Variants in MKKS observed in about 807,000 individuals in gnomAD.
MKKS encodes MKKS centrosomal shuttling protein, also known as molecular chaperone MKKS.
Under a neutral mutation model 33.2 loss-of-function variants are expected in MKKS, and 29 were observed. The ratio of observed to expected loss-of-function variants is 0.87; its 90% CI spans 0.65 to 1.19. The LOEUF (loss-of-function observed/expected upper bound fraction) is 1.19, where lower values mean the gene tolerates loss of function less well. Among genes scored for constraint, MKKS ranks in the 50% most tolerant of loss-of-function variants. The pLI is 0.00. For missense variants in MKKS, 661 were observed against 662.3 expected, an observed-to-expected ratio of 1.00 and a Z score of 0.02; for synonymous variants, 260 against 244.0, an observed-to-expected ratio of 1.07 and a Z score of -0.61.
chr20:10,431,207 A>G (rs1396390299), intron 1 of MKKS, among the ~76,000 whole-genome samples: 5 of 152,188 alleles, frequency 3.3e-5, no homozygotes, highest in African/African-American at 1.2e-4. Context: ...CAAAGCAATT[A>G]TATATTATCA....
intron 2 of MKKS, among the ~76,000 whole-genome samples, chr20:10,414,552 A>G (rs1359025626): frequency 6.6e-6 from 1 of 152,188 alleles, no homozygotes; most frequent in Admixed American, 6.5e-5. Context: ...AGCGTGAGCC[A>G]CTGTGCCCGG....
Position 10,434,209 on chromosome 20 carries a change from T to A in MKKS, c.-750A>T, listed in dbSNP as rs982499367. On this transcript the variant is annotated 5_prime_UTR_variant, in exon 1 of 6. Transcript: ENST00000347364. ...GCCGCGGATCCCGACAACCTTCGCG[T>A]CGCGCGAGGGCACGGAGCACGCGCA... 6.6e-6 allele frequency: 1 copy of A among 152,216 alleles called. No individual in the cohort carries two copies. Among genetic ancestry groups the A allele is most frequent in the Non-Finnish European group, 1.5e-5 (1 of 68,070 alleles). The allele number at this position is 152,216 out of a possible 1,614,324, so 9.4% of individuals were successfully genotyped here.
At chr20:10,419,540 A>C (rs145082851) in intron 2 of MKKS, among the ~76,000 whole-genome samples, 78 of 152,344 alleles carry the variant, frequency 5.1e-4, no homozygotes, top group African/African-American at 1.8e-3. Context: ...GCCTGAAACT[A>C]CATATAGCAC....
rs545889058 is a variant in MKKS, at chr20:10,404,168, T to C, written c.*1079A>G. On this transcript the variant is annotated 3_prime_UTR_variant, in exon 6 of 6. Coordinates refer to ENST00000347364, the MANE Select transcript of MKKS (RefSeq NM_170784.3). ...ATATTTGCATAAAATTCAAACTACA[T>C]CCCTTGGTGAAACATAATGTCTCTA... The C allele has an allele frequency of 1.6e-3, 242 of 152,284 alleles. 1 individual carries two copies. The highest frequency in any genetic ancestry group is 0.014 in the Middle Eastern group (4 of 294). 9.4% of individuals were successfully genotyped at this position (152,284 alleles called of 1,614,324 possible).
chr20:10,405,085 G>T lies in MKKS; in HGVS notation c.*162C>A. ...ATTGTTTCATGGCATTTCCATTCACGAATCACCTTTTTTCCTAAATAAGTG... is the reference window on the plus strand; with the variant it reads ...ATTGTTTCATGGCATTTCCATTCACTAATCACCTTTTTTCCTAAATAAGTG... On this transcript the variant is annotated 3_prime_UTR_variant, in exon 6 of 6. Coordinates refer to ENST00000347364, the MANE Select transcript of MKKS (RefSeq NM_170784.3). The T allele has an allele frequency of 1.8e-6, 1 of 541,704 alleles. No homozygotes were observed. Among genetic ancestry groups the T allele is most frequent in the Non-Finnish European group, 3.2e-6 (1 of 314,072 alleles). 33.6% of individuals were successfully genotyped at this position (541,704 alleles called of 1,614,324 possible). A position where few individuals can be genotyped will look rare whatever the true frequency, so the allele number is the denominator to read the frequency against.
rs201968251 is a variant in MKKS, at chr20:10,408,791, A to G, written c.998T>C (p.Ile333Thr). Reference protein sequence around the residue: ...PLTKMTGTQPIGSLGSICPNS... With the variant: ...PLTKMTGTQPTGSLGSICPNS... Reference sequence around the variant, plus strand: ...AGGACATATTGAGCCTAGGGATCCAATAGGCTGTGTTCCTATTTTTTAAAG... The same window carrying G: ...AGGACATATTGAGCCTAGGGATCCAGTAGGCTGTGTTCCTATTTTTTAAAG... The change falls in exon 4 of 6, where the codon ATT becomes ACT. Residue 333 changes from isoleucine to threonine, a missense_variant. Coordinates refer to ENST00000347364, the MANE Select transcript of MKKS (RefSeq NM_170784.3). 1.2e-6 allele frequency: 2 copies of G among 1,612,348 alleles called. No homozygotes were observed. The highest frequency in any genetic ancestry group is 2.2e-5 in the East Asian group (1 of 44,846).
chr20:10,416,935 T>C (rs1374804002), intron 2 of MKKS, among the ~76,000 whole-genome samples: 1 of 152,182 alleles, frequency 6.6e-6, no homozygotes, highest in Admixed American at 6.5e-5. Flanking sequence ...ATAGACACTA[T>C]ATGATCTGCA....
chr20:10,433,756 G>A (rs372732355), intron 1 of MKKS, among the ~76,000 whole-genome samples: 21 of 152,188 alleles, frequency 1.4e-4, no homozygotes, highest in African/African-American at 4.6e-4. Context: ...GGGCACACGG[G>A]GCCCCTCCCA....
intron 5 of MKKS, among the ~76,000 whole-genome samples, chr20:10,407,017 C>G (rs1344564075): frequency 6.6e-6 from 1 of 152,144 alleles, no homozygotes; most frequent in East Asian, 1.9e-4. Context: ...ATGCACTAAA[C>G]TTATCTGAGA....
intron 1 of MKKS, among the ~76,000 whole-genome samples, 189 bp downstream of exon 1, chr20:10,433,919 G>A (rs2065076364): frequency 6.6e-6 from 1 of 152,224 alleles, no homozygotes; most frequent in Non-Finnish European, 1.5e-5. Context: ...ACCATCGGCA[G>A]CTATTTCAGA....
chr20:10,427,273 T>C (rs113071321), intron 1 of MKKS, among the ~76,000 whole-genome samples: 167 of 152,332 alleles, frequency 1.1e-3, no homozygotes, highest in Middle Eastern at 3.4e-3. Context: ...ATTTTGCCTA[T>C]TGGGCTTGCT....
Position 10,423,637 on chromosome 20 carries a change from T to C in MKKS, c.-648-2879A>G, listed in dbSNP as rs372459690. On this transcript the variant is annotated intron_variant, in intron 1 of 5. Coordinates refer to ENST00000347364, the MANE Select transcript of MKKS (RefSeq NM_170784.3). Reference sequence around the variant, plus strand: ...CTCTTTGAGAAGAGTGAAAATTATATAGGGTTAGCTCCCTATAATACTTAG... The same window carrying C: ...CTCTTTGAGAAGAGTGAAAATTATACAGGGTTAGCTCCCTATAATACTTAG... Among the ~76,000 whole-genome samples the C allele has an allele frequency of 1.8e-3, 274 of 152,314 alleles. 7 individuals carry two copies. In the South Asian group the frequency reaches 0.046, roughly 25 times the overall value.
At chr20:10,427,835 G>C (rs982757595) in intron 1 of MKKS, among the ~76,000 whole-genome samples, 2 of 152,138 alleles carry the variant, frequency 1.3e-5, no homozygotes, top group Non-Finnish European at 2.9e-5. Context: ...TCATAATTGA[G>C]TTCTAAAGTT....
At chr20:10,423,778 T>C (rs1206515267) in intron 1 of MKKS, among the ~76,000 whole-genome samples, 3 of 152,248 alleles carry the variant, frequency 2.0e-5, no homozygotes, top group South Asian at 2.1e-4. Context: ...GATGAATCTT[T>C]TTCTAGATTT....
At chr20:10,420,273 C>G (rs557780177) in intron 2 of MKKS, among the ~76,000 whole-genome samples, 33 of 152,208 alleles carry the variant, frequency 2.2e-4, no homozygotes, top group African/African-American at 6.5e-4. Context: ...TGCACACATT[C>G]ATGATCCTGG....
intron 1 of MKKS, 90 bp from the exon 2 acceptor site, chr20:10,420,848 T>G (rs2064975554): frequency 1.3e-5 from 2 of 152,238 alleles, no homozygotes; most frequent in African/African-American, 4.8e-5. Flanking sequence ...AGTAGCATGC[T>G]GTACTCTAAC....
intron 2 of MKKS, among the ~76,000 whole-genome samples, chr20:10,417,120 G>A (rs1261599616): frequency 6.6e-6 from 1 of 151,952 alleles, no homozygotes; most frequent in East Asian, 1.9e-4. Flanking sequence ...GTGTGGTGGT[G>A]GGTGCCTGTA....
At chr20:10,428,475 G>A (rs1488298610) in intron 1 of MKKS, among the ~76,000 whole-genome samples, 2 of 152,182 alleles carry the variant, frequency 1.3e-5, no homozygotes, top group East Asian at 1.9e-4. Flanking sequence ...TTGGCCAGAG[G>A]ACATTATAGC....
Position 10,402,945 on chromosome 20 carries a change from TCA to T in MKKS, c.*2300_*2301del, listed in dbSNP as rs1391480446. Reference sequence around the variant, plus strand: ...TTGACTTAAAACAACATTTATTATCTCACAGATTTTGTGGGTTAGGAACCAAC... The same window carrying T: ...TTGACTTAAAACAACATTTATTATCTCAGATTTTGTGGGTTAGGAACCAAC... On this transcript the variant is annotated 3_prime_UTR_variant, in exon 6 of 6. Transcript: ENST00000347364. 1 of 152,258 alleles carries T rather than the reference TCA, an allele frequency of 6.6e-6. No homozygotes were observed. The highest frequency in any genetic ancestry group is 2.4e-5 in the African/African-American group (1 of 41,466). The allele number at this position is 152,258 out of a possible 1,614,324, so 9.4% of individuals were successfully genotyped here.
Sources: gnomAD v4.1 joint callset for allele counts (sites outside exome capture counted in the v4.1 genomes callset) on GRCh38, gnomAD v4.1.1 for gene constraint, MANE v1.5 for transcripts, NCBI Gene and HGNC (gene_info 2026-07-23, HGNC 2026-07-21) for gene names.